Variants in MAG observed in about 807,000 individuals in gnomAD.
MAG encodes myelin-associated glycoprotein.
Under a neutral mutation model 60.7 loss-of-function variants are expected in MAG, and 30 were observed. The ratio of observed to expected loss-of-function variants is 0.49; its 90% CI spans 0.37 to 0.67. The LOEUF is 0.67. MAG is among the 30% of genes least tolerant of loss of function. MAG has a pLI of 0.00. For synonymous variants in MAG, 384 were observed against 376.8 expected (o/e 1.02, Z -0.22); for missense variants, 795 against 851.7 (o/e 0.93, Z 0.83).
intron 9 of MAG, 73 bp from the exon 10 acceptor site, chr19:35,311,845 A>G: frequency 9.3e-7 from 1 of 1,080,358 alleles, no homozygotes; most frequent in Non-Finnish European, 1.4e-6. Context: ...AGGTCCCCTG[A>G]GCCAAACTCC....
At position 35,300,136 on chromosome 19, in the gene MAG, G is replaced by C. The variant is rs376042744; in HGVS notation, c.713-11G>C. ...ACCTGCTCACTAACCTCGCTGTGTC[G>C]CGGGCCTTAGACCCCCCGGTGATTG... On this transcript the variant is annotated splice_polypyrimidine_tract_variant and intron_variant, in intron 5 of 10. Transcript: ENST00000392213. 2 of 1,518,900 alleles carry C rather than the reference G, an allele frequency of 1.3e-6. No individual in the cohort carries two copies. The highest frequency in any genetic ancestry group is 2.6e-5 in the South Asian group (2 of 78,372). The allele number at this position is 1,518,900 out of a possible 1,614,324, so 94.1% of individuals were successfully genotyped here. A position where few individuals can be genotyped will look rare whatever the true frequency, so the allele number is the denominator to read the frequency against.
In MAG at chr19:35,295,674, G is replaced by A. The variant is rs201203478; in HGVS notation, c.108G>A (p.Thr36=). ...MPSSISAFEG[T]CVSIPCRFDF... ...CGTCCATCTCGGCCTTCGAAGGCACGTGCGTCTCCATCCCCTGCCGCTTTG... is the reference window on the plus strand; with the variant it reads ...CGTCCATCTCGGCCTTCGAAGGCACATGCGTCTCCATCCCCTGCCGCTTTG... Residue 36 remains threonine, a synonymous_variant, in exon 4 of 11, where the codon ACG becomes ACA. Coordinates refer to ENST00000392213, the MANE Select transcript of MAG (RefSeq NM_002361.4). The surrounding 1 kb of genome is among the most constrained non-coding windows in gnomAD (Gnocchi z 5.8). 20 of 1,612,556 alleles carry A rather than the reference G, an allele frequency of 1.2e-5. No individual in the cohort carries two copies. The highest frequency in any genetic ancestry group is 1.7e-4 in the Middle Eastern group (1 of 6,058).
intron 6 of MAG, among the ~76,000 whole-genome samples, chr19:35,301,225 G>A (rs1177191482): frequency 2.0e-5 from 3 of 152,084 alleles, no homozygotes; most frequent in Non-Finnish European, 4.4e-5. Context: ...GGGTTGAGGG[G>A]ACTTCAGGCC....
At position 35,295,355 on chromosome 19, in the gene MAG, C is replaced by T; in HGVS notation, c.-23-31C>T. ...ATGGAACACCCCCTTTCACTTCCCC[C>T]AGCCTTTAACCCTCTCCTCTCCCTT... On this transcript the variant is annotated intron_variant, in intron 2 of 10. Coordinates refer to ENST00000392213, the MANE Select transcript of MAG (RefSeq NM_002361.4). This position sits in a 1 kb window ranked among gnomAD's most constrained non-coding sequence, Gnocchi z 5.8. 1.2e-6 allele frequency: 2 copies of T among 1,602,290 alleles called. No individual in the cohort carries two copies. The highest frequency in any genetic ancestry group is 2.2e-5 in the East Asian group (1 of 44,742).
intron 10 of MAG, chr19:35,312,503 A>T (rs1381329630): frequency 3.3e-6 from 1 of 305,638 alleles, no homozygotes; most frequent in African/African-American, 2.4e-5. Flanking sequence ...GTCTGTGGCC[A>T]CCGTCCTGTG....
At chr19:35,298,047 C>T (rs2066415820) in intron 4 of MAG, among the ~76,000 whole-genome samples, 1 of 148,422 alleles carries the variant, frequency 6.7e-6, no homozygotes, top group South Asian at 2.2e-4. Flanking sequence ...ACATAAACTA[C>T]ACACACAGTG....
intron 4 of MAG, among the ~76,000 whole-genome samples, chr19:35,296,941 C>G (rs1307654430): frequency 1.4e-5 from 2 of 147,226 alleles, no homozygotes. Flanking sequence ...ACACACTACA[C>G]AAACCACACA....
intron 4 of MAG, among the ~76,000 whole-genome samples, chr19:35,298,956 C>G (rs993107459): frequency 6.6e-6 from 1 of 151,074 alleles, no homozygotes; most frequent in Admixed American, 6.6e-5. Context: ...TACACAAAAA[C>G]CACACACTAC....
chr19:35,302,757 G>T lies in MAG; in HGVS notation c.1231+49G>T, dbSNP rs757158068. The stretch of plus-strand genomic sequence containing the variant: ...GCTGGGGATGGACGGTTCCGTGGGG[G>T]ACACCAGGGTTACTGTGGGTGCCCA... On this transcript the variant is annotated intron_variant, in intron 7 of 10. Coordinates refer to ENST00000392213, the MANE Select transcript of MAG (RefSeq NM_002361.4). 1.9e-6 allele frequency: 3 copies of T among 1,594,714 alleles called. No homozygotes were observed. The African/African-American group carries it at 4.0e-5, about 21-fold the overall frequency.
At chr19:35,302,378 G>A in intron 6 of MAG, 70 bp from the exon 7 acceptor site, 1 of 1,580,376 alleles carries the variant, frequency 6.3e-7, no homozygotes, top group Non-Finnish European at 8.6e-7. Flanking sequence ...GGTCATATCT[G>A]GGGATGGTAG....
chr19:35,312,134 A>G, intron 10 of MAG, 117 bp downstream of exon 10: 2 of 1,263,170 alleles, frequency 1.6e-6, no homozygotes, highest in South Asian at 2.4e-5. Context: ...ACAGGAGGAG[A>G]GGAAGGACAT....
At chr19:35,309,260 G>A (rs983884206) in intron 7 of MAG, among the ~76,000 whole-genome samples, 1 of 152,092 alleles carries the variant, frequency 6.6e-6, no homozygotes, top group African/African-American at 2.4e-5. Flanking sequence ...CAAAGAGAGA[G>A]GCACTAAACC....
Position 35,300,185 on chromosome 19 carries a change from G to T in MAG, c.751G>T (p.Ala251Ser). ...TGTGGAGATGAACTCCTCGGTGGAG[G>T]CCATCGAGGGCTCCCACGTGAGCCT... is the stretch of plus-strand genomic sequence containing the variant. Reference protein sequence around the residue: ...VIVEMNSSVEAIEGSHVSLLC... With the variant: ...VIVEMNSSVESIEGSHVSLLC... The change falls in exon 6 of 11, where the codon GCC (alanine) becomes TCC (serine). Residue 251 changes from alanine (A) to serine (S), a missense_variant. Coordinates refer to ENST00000392213, the MANE Select transcript of MAG (RefSeq NM_002361.4). The T allele has an allele frequency of 6.4e-7, 1 of 1,563,022 alleles. No individual in the cohort carries two copies.
chr19:35,300,144 T>C lies in MAG; in HGVS notation c.713-3T>C. ...ACTAACCTCGCTGTGTCGCGGGCCT[T>C]AGACCCCCCGGTGATTGTGGAGATG... On this transcript the variant is annotated splice_polypyrimidine_tract_variant and splice_region_variant and intron_variant, in intron 5 of 10. Transcript: ENST00000392213. 5 of 1,528,046 alleles carry C rather than the reference T, an allele frequency of 3.3e-6. No homozygotes were observed. The highest frequency in any genetic ancestry group is 4.4e-6 in the Non-Finnish European group (5 of 1,134,588). 94.7% of individuals were successfully genotyped at this position (1,528,046 alleles called of 1,614,324 possible). A position where few individuals can be genotyped will look rare whatever the true frequency, so the allele number is the denominator to read the frequency against.
intron 7 of MAG, among the ~76,000 whole-genome samples, chr19:35,305,306 G>A (rs1242590546): frequency 6.6e-6 from 1 of 152,182 alleles, no homozygotes; most frequent in Non-Finnish European, 1.5e-5. Context: ...CTTGAGCAGG[G>A]CCTTCTGTCT....
intron 4 of MAG, among the ~76,000 whole-genome samples, chr19:35,299,003 C>T (rs966093163): frequency 2.0e-5 from 3 of 150,832 alleles, no homozygotes; most frequent in Admixed American, 2.0e-4. Context: ...ACTACACAAA[C>T]CACACACATC....
rs747722385 is a variant in MAG, at chr19:35,295,873, C to T, written c.307C>T (p.Leu103=). 3 of 1,614,004 alleles carry T rather than the reference C, an allele frequency of 1.9e-6. No individual in the cohort carries two copies. The Admixed American group carries it at 5.0e-5, about 27-fold the overall frequency. ...GDLGLRNCTL[L]LSNVSPELGG... ...CCTGGGCCTGCGAAACTGCACCCTC[C>T]TGCTCAGCAACGTCAGCCCCGAGCT... Residue 103 remains leucine, a synonymous_variant, in exon 4 of 11, where the codon CTG becomes TTG. Coordinates refer to ENST00000392213, the MANE Select transcript of MAG (RefSeq NM_002361.4). The surrounding 1 kb of genome is among the most constrained non-coding windows in gnomAD (Gnocchi z 5.8).
chr19:35,302,606 C>T lies in MAG; in HGVS notation c.1129C>T (p.Leu377=), dbSNP rs766736939. 6.2e-7 allele frequency: 1 copy of T among 1,614,210 alleles called. No homozygotes were observed. Among genetic ancestry groups the T allele is most frequent in the South Asian group, 1.1e-5 (1 of 91,086 alleles). ...GGTCATCTACGAGAGCGAGCTGCAG[C>T]TGGAGCTGCCGGCCGTGTCACCCGA... ...STVIYESELQ[L]ELPAVSPEDD... is the part of the protein sequence containing the mutation. Residue 377 remains leucine (L), a synonymous_variant, in exon 7 of 11, where the codon CTG becomes TTG. Transcript: ENST00000392213.
In MAG at chr19:35,293,898, A is replaced by G. The variant is rs2066376380; in HGVS notation, c.-79-337A>G. On this transcript the variant is annotated intron_variant, in intron 1 of 10. Transcript: ENST00000392213. This position sits in a 1 kb window ranked among gnomAD's most constrained non-coding sequence, Gnocchi z 4.0. The stretch of plus-strand genomic sequence containing the variant: ...CGGGAATGCTGATACTGTGAAACCC[A>G]GTCATTGATGGCTCTGGGTCCCTGC... 6.6e-6 allele frequency among the ~76,000 whole-genome samples: 1 copy of G among 152,012 alleles called. No individual in the cohort carries two copies. Among genetic ancestry groups the G allele is most frequent in the East Asian group, 1.9e-4 (1 of 5,182 alleles).
Sources: gnomAD v4.1 joint callset for allele counts (sites outside exome capture counted in the v4.1 genomes callset) on GRCh38, gnomAD v4.1.1 for gene constraint, Gnocchi (gnomAD v3.1) non-coding constraint, MANE v1.5 for transcripts, NCBI Gene and HGNC (gene_info 2026-07-23, HGNC 2026-07-21) for gene names.